Variants in CAMK1G observed in about 807,000 individuals in gnomAD.
The protein encoded by CAMK1G is calcium/calmodulin dependent protein kinase IG.
Under a neutral mutation model 54.8 loss-of-function variants are expected in CAMK1G, and 27 were observed. The observed-to-expected ratio is 0.49, with a 90% confidence interval of 0.36 to 0.68. The LOEUF (loss-of-function observed/expected upper bound fraction) is 0.68, where lower values mean the gene tolerates loss of function less well. CAMK1G is among the 30% of genes least tolerant of loss of function. CAMK1G has a pLI of 0.00. For missense variants in CAMK1G, 512 were observed against 591.0 expected, an observed-to-expected ratio of 0.87 and a Z score of 1.39; for synonymous variants, 238 against 224.9, an observed-to-expected ratio of 1.06 and a Z score of -0.52.
At chr1:209,605,785 C>A in intron 5 of CAMK1G, 111 bp downstream of exon 5, 2 of 1,068,756 alleles carry the variant, frequency 1.9e-6, no homozygotes, top group Non-Finnish European at 2.6e-6. Context: ...TAGTGACTCC[C>A]AAGGCCCCTT....
chr1:209,587,750 T>A (rs183558686), intron 1 of CAMK1G, among the ~76,000 whole-genome samples: 1 of 152,222 alleles, frequency 6.6e-6, no homozygotes, highest in East Asian at 1.9e-4. Context: ...GGTATTCTTT[T>A]AACCCAGTGG....
intron 6 of CAMK1G, 154 bp from the exon 7 acceptor site, chr1:209,607,704 C>G (rs1665685185): frequency 3.2e-6 from 2 of 620,986 alleles, no homozygotes; most frequent in East Asian, 2.9e-5. Flanking sequence ...CCAGAAGAGA[C>G]ACAGCCCCTA....
At chr1:209,600,866 G>C (rs1571780025) in intron 3 of CAMK1G, among the ~76,000 whole-genome samples, 1 of 152,242 alleles carries the variant, frequency 6.6e-6, no homozygotes, top group East Asian at 1.9e-4. Context: ...TGCAGAAAGG[G>C]AATTCAGGCC....
chr1:209,590,579 G>A (rs774806756), intron 1 of CAMK1G, among the ~76,000 whole-genome samples: 24 of 152,322 alleles, frequency 1.6e-4, no homozygotes, highest in East Asian at 1.9e-4. Flanking sequence ...ATCTGCTAAT[G>A]AGGTGGTGCA....
intron 3 of CAMK1G, among the ~76,000 whole-genome samples, chr1:209,600,781 A>G (rs566333741): frequency 6.6e-6 from 1 of 152,354 alleles, no homozygotes; most frequent in Admixed American, 6.5e-5. Flanking sequence ...TTTTATGAGT[A>G]TGAGTTATTG....
At position 209,603,308 on chromosome 1, in the gene CAMK1G, C is replaced by T. The variant is rs772641237; in HGVS notation, c.296+20C>T. 1.5e-5 allele frequency: 24 copies of T among 1,604,834 alleles called. No homozygotes were observed. Among genetic ancestry groups the T allele is most frequent in the Non-Finnish European group, 2.0e-5 (23 of 1,171,840 alleles). ...GCAGCTGTAAGTAAAAGGTGACTTG[C>T]TTCCTTCACAGAGGCCTGGTGGGGC... is the stretch of plus-strand genomic sequence containing the variant. On this transcript the variant is annotated intron_variant, in intron 4 of 12. Coordinates refer to ENST00000361322, the MANE Select transcript of CAMK1G (RefSeq NM_020439.3).
intron 3 of CAMK1G, among the ~76,000 whole-genome samples, chr1:209,601,378 T>C (rs1665522224): frequency 6.6e-6 from 1 of 152,144 alleles, no homozygotes; most frequent in South Asian, 2.1e-4. Context: ...GATTGAGCAA[T>C]CAAGTGGACA....
intron 9 of CAMK1G, among the ~76,000 whole-genome samples, chr1:209,610,472 C>G (rs2102396325): frequency 1.3e-5 from 2 of 152,302 alleles, no homozygotes; most frequent in South Asian, 4.1e-4. Context: ...ATGGCCTGAC[C>G]CTTTATCTCC....
chr1:209,607,929 A>G lies in CAMK1G; in HGVS notation c.631A>G (p.Ile211Val), dbSNP rs1665690976. ...DCWSIGVITY[I>V]LLCGYPPFYE... Reference sequence around the variant, plus strand: ...CTGGTCCATCGGCGTCATCACCTACATATTGTGAGTAGACGCTGGCCTGGG... The same window carrying G: ...CTGGTCCATCGGCGTCATCACCTACGTATTGTGAGTAGACGCTGGCCTGGG... The change falls in exon 7 of 13, where the codon ATA becomes GTA. Residue 211 changes from isoleucine to valine, a missense_variant. Around this residue, in one of 3 missense-constraint regions of CAMK1G, gnomAD observed 11 missense variants for 29.1 expected, o/e 0.38. Coordinates refer to ENST00000361322, the MANE Select transcript of CAMK1G (RefSeq NM_020439.3). The G allele has an allele frequency of 1.2e-6, 2 of 1,612,186 alleles. No individual in the cohort carries two copies. Among genetic ancestry groups the G allele is most frequent in the South Asian group, 1.1e-5 (1 of 90,984 alleles).
At chr1:209,586,897 C>T (rs1280560880) in intron 1 of CAMK1G, among the ~76,000 whole-genome samples, 2 of 152,108 alleles carry the variant, frequency 1.3e-5, no homozygotes, top group Admixed American at 1.3e-4. Context: ...CACAGTAAAC[C>T]ATAAGCAACA....
chr1:209,596,661 CCACACACACACACACACA>C (rs55936082), intron 2 of CAMK1G, among the ~76,000 whole-genome samples: 7 of 148,104 alleles, frequency 4.7e-5, no homozygotes, highest in African/African-American at 1.3e-4. Context: ...CACACACACA[CCACACACACACACACACA>C]CACACACACA....
chr1:209,597,144 AG>A (rs1665410348), intron 2 of CAMK1G, among the ~76,000 whole-genome samples: 1 of 152,230 alleles, frequency 6.6e-6, no homozygotes. Context: ...GGCATGGTGG[AG>A]AGTGGACAAG....
intron 1 of CAMK1G, among the ~76,000 whole-genome samples, chr1:209,588,656 A>G (rs1665166863): frequency 6.6e-6 from 1 of 152,188 alleles, no homozygotes; most frequent in Admixed American, 6.5e-5. Flanking sequence ...GTGACCTGGC[A>G]GTTTTAGGGT....
intron 1 of CAMK1G, among the ~76,000 whole-genome samples, chr1:209,592,157 G>A (rs1665270670): frequency 6.6e-6 from 1 of 151,918 alleles, no homozygotes; most frequent in African/African-American, 2.4e-5. Context: ...GACCAGCCTG[G>A]GCAACAGAGT....
intron 3 of CAMK1G, among the ~76,000 whole-genome samples, chr1:209,602,746 A>G (rs1665560280): frequency 6.6e-6 from 1 of 152,216 alleles, no homozygotes; most frequent in African/African-American, 2.4e-5. Context: ...TCCCATCTCT[A>G]AGGTATATCA....
chr1:209,600,354 A>G (rs1474102524), intron 3 of CAMK1G, among the ~76,000 whole-genome samples: 12 of 151,962 alleles, frequency 7.9e-5, no homozygotes, highest in Non-Finnish European at 1.8e-4. Flanking sequence ...TTGTGCACAC[A>G]GGCTGGAGAG....
rs1299990691 is a variant in CAMK1G at position 209,605,620 on chromosome 1, C to A, written c.381C>A (p.Val127=). ...EKDASLVIQQ[V]LSAVKYLHEN... is the part of the protein sequence containing the mutation. ...ATGCCAGTCTGGTGATCCAGCAGGT[C>A]TTGTCGGCAGTGAAATACCTACATG... is the stretch of plus-strand genomic sequence containing the variant. Residue 127 remains valine, a synonymous_variant, in exon 5 of 13, where the codon GTC becomes GTA. Coordinates refer to ENST00000361322, the MANE Select transcript of CAMK1G (RefSeq NM_020439.3). The A allele has an allele frequency of 6.2e-7, 1 of 1,614,012 alleles. No individual in the cohort carries two copies. Among genetic ancestry groups the A allele is most frequent in the African/African-American group, 1.3e-5 (1 of 74,928 alleles).
At chr1:209,611,319 C>T in intron 9 of CAMK1G, 146 bp from the exon 10 acceptor site, 1 of 696,486 alleles carries the variant, frequency 1.4e-6, no homozygotes, top group South Asian at 1.9e-5. Flanking sequence ...ACAGAGGAGA[C>T]CTGCTTGCAG....
chr1:209,610,301 G>A (rs963163600), intron 9 of CAMK1G, among the ~76,000 whole-genome samples: 1 of 152,168 alleles, frequency 6.6e-6, no homozygotes, highest in Non-Finnish European at 1.5e-5. Context: ...ACTGTTCCAG[G>A]TGAAGTGATT....
Sources: allele counts gnomAD v4.1 joint callset (sites outside exome capture counted in the v4.1 genomes callset), GRCh38; gene constraint gnomAD v4.1.1; regional missense constraint gnomAD v4.1.1; transcripts MANE v1.5; gene names NCBI Gene and HGNC (gene_info 2026-07-23, HGNC 2026-07-21).